Variants in DNM3 observed in about 807,000 individuals in gnomAD.
DNM3 encodes dynamin 3, also known as dynamin-3.
A neutral mutation model predicts 101.6 loss-of-function variants in DNM3; 47 were observed. The ratio of observed to expected loss-of-function variants is 0.46; its 90% CI spans 0.37 to 0.59. The LOEUF (loss-of-function observed/expected upper bound fraction) is 0.59, where lower values mean the gene tolerates loss of function less well. Among genes scored for constraint, DNM3 ranks in the 20% least tolerant of loss-of-function variants. The probability of loss-of-function intolerance (pLI) is 0.00; values close to 1 mark genes in which losing one functional copy is unlikely to be tolerated. For missense variants in DNM3, 849 were observed against 1,085.7 expected (o/e 0.78, Z 3.06); for synonymous variants, 385 against 387.9 (o/e 0.99, Z 0.09).
In DNM3 at chr1:172,229,264, G is replaced by A. The variant is rs186131769; in HGVS notation, c.1660-24309G>A. On this transcript the variant is annotated intron_variant, in intron 14 of 20. Transcript: ENST00000627582. ...CAATTATTGAGACTTAGTATGTTCA[G>A]AATTCTAGAACTAGAAACATTTCTC... is the stretch of plus-strand genomic sequence containing the variant. Among the ~76,000 whole-genome samples, 3 of 152,220 alleles carry A rather than the reference G, an allele frequency of 2.0e-5. No homozygotes were observed. In the East Asian group the frequency reaches 5.8e-4, roughly 29 times the overall value.
At chr1:172,088,445 T>C (rs931205824) in intron 12 of DNM3, among the ~76,000 whole-genome samples, 1 of 152,150 alleles carries the variant, frequency 6.6e-6, no homozygotes, top group African/African-American at 2.4e-5. Flanking sequence ...GCCTTGATCA[T>C]GTCACTTGCT....
chr1:172,051,572 A>G (rs2050206613), intron 10 of DNM3, among the ~76,000 whole-genome samples: 1 of 152,210 alleles, frequency 6.6e-6, no homozygotes, highest in African/African-American at 2.4e-5. Context: ...GGGCCTGCAG[A>G]ATGCTGATCA....
intron 14 of DNM3, among the ~76,000 whole-genome samples, chr1:172,199,815 G>A (rs1196876270): frequency 6.6e-6 from 1 of 151,776 alleles, no homozygotes; most frequent in Non-Finnish European, 1.5e-5. Flanking sequence ...GAGATAGCAT[G>A]TAATGACAAG....
intron 6 of DNM3, among the ~76,000 whole-genome samples, chr1:172,036,013 G>T (rs9425847): frequency 0.7 from 106,089 of 150,676 alleles, 38,655 homozygotes; most frequent in African/African-American, 0.9. Flanking sequence ...TTTTATTTTA[G>T]TATTATTATA....
intron 15 of DNM3, among the ~76,000 whole-genome samples, chr1:172,290,309 C>T (rs2063856182): frequency 6.6e-6 from 1 of 152,050 alleles, no homozygotes; most frequent in South Asian, 2.1e-4. Flanking sequence ...AGGATTTTAG[C>T]TAGAGGGGTT....
chr1:172,366,390 A>G (rs1573620002), intron 17 of DNM3: 1 of 152,014 alleles, frequency 6.6e-6, no homozygotes, highest in East Asian at 1.9e-4. Context: ...TTTCAGTGAA[A>G]TGTTGATTAT....
At chr1:171,923,955 A>G (rs1281011039) in intron 2 of DNM3, among the ~76,000 whole-genome samples, 1 of 151,892 alleles carries the variant, frequency 6.6e-6, no homozygotes, top group African/African-American at 2.4e-5. Flanking sequence ...TATTTCTGTT[A>G]TTTCTCTTAG....
At chr1:172,154,025 C>T (rs16843926) in intron 14 of DNM3, among the ~76,000 whole-genome samples, 3 of 151,978 alleles carry the variant, frequency 2.0e-5, no homozygotes, top group African/African-American at 7.3e-5. Flanking sequence ...TTCATTCATT[C>T]GTTGCTTGTG....
intron 14 of DNM3, chr1:172,133,495 A>G (rs1392188452): frequency 7.8e-6 from 7 of 894,526 alleles, no homozygotes; most frequent in Non-Finnish European, 9.4e-6. Flanking sequence ...CTTGAAATAA[A>G]TGGAATTATT....
chr1:172,145,975 C>G (rs1325652443), intron 14 of DNM3, among the ~76,000 whole-genome samples: 2 of 152,098 alleles, frequency 1.3e-5, no homozygotes, highest in Non-Finnish European at 2.9e-5. Flanking sequence ...ATGTAGTTCT[C>G]TCACTTTCCC....
chr1:172,273,582 TA>T (rs899733472), intron 15 of DNM3, among the ~76,000 whole-genome samples: 26 of 152,104 alleles, frequency 1.7e-4, no homozygotes, highest in East Asian at 1.2e-3. Flanking sequence ...CAAAAATAAT[TA>T]TTAAGGGTGT....
At chr1:172,233,926 T>C (rs1232760817) in intron 14 of DNM3, among the ~76,000 whole-genome samples, 3 of 152,126 alleles carry the variant, frequency 2.0e-5, no homozygotes, top group African/African-American at 4.8e-5. Context: ...AAACCCACAG[T>C]CAATATCATA....
chr1:172,004,150 T>A (rs900372398), intron 4 of DNM3, among the ~76,000 whole-genome samples: 3 of 151,978 alleles, frequency 2.0e-5, no homozygotes, highest in African/African-American at 4.8e-5. Flanking sequence ...TAAAAAAGAA[T>A]CTGTATGTTT....
chr1:172,012,882 AG>A (rs1378103869), intron 4 of DNM3, among the ~76,000 whole-genome samples: 5 of 152,084 alleles, frequency 3.3e-5, no homozygotes, highest in Non-Finnish European at 7.4e-5. Context: ...ACTACTACTC[AG>A]GGAAAACTTA....
intron 1 of DNM3, among the ~76,000 whole-genome samples, chr1:171,892,938 C>T (rs187273873): frequency 1.8e-4 from 27 of 151,454 alleles, no homozygotes; most frequent in African/African-American, 2.7e-4. Flanking sequence ...CTGTTGCCCA[C>T]GGGTCACCTC....
chr1:171,859,456 C>T (rs1289098884), intron 1 of DNM3, among the ~76,000 whole-genome samples: 2 of 152,122 alleles, frequency 1.3e-5, no homozygotes, highest in African/African-American at 2.4e-5. Flanking sequence ...TGTTTATCTT[C>T]ACTTCTAGCA....
chr1:172,139,203 A>G, intron 14 of DNM3: 1 of 286,642 alleles, frequency 3.5e-6, no homozygotes. Context: ...TCATATTATT[A>G]CTGGCCCACA....
intron 14 of DNM3, chr1:172,133,362 G>A: frequency 1.0e-6 from 1 of 993,314 alleles, no homozygotes; most frequent in South Asian, 4.6e-5. Flanking sequence ...TACAACAAAT[G>A]GAAAATAAAT....
intron 14 of DNM3, among the ~76,000 whole-genome samples, chr1:172,189,067 T>C (rs2059617829): frequency 6.6e-6 from 1 of 152,092 alleles, no homozygotes; most frequent in Admixed American, 6.6e-5. Context: ...TACATGCAGT[T>C]CTTTTTCGAG....
Sources: allele counts gnomAD v4.1 joint callset (sites outside exome capture counted in the v4.1 genomes callset), GRCh38; gene constraint gnomAD v4.1.1; transcripts MANE v1.5; gene names NCBI Gene and HGNC (gene_info 2026-07-23, HGNC 2026-07-21).